Variants in GABRG3 observed in about 807,000 individuals in gnomAD.
GABRG3 encodes gamma-aminobutyric acid receptor subunit gamma-3.
Under a neutral mutation model 48.8 loss-of-function variants are expected in GABRG3, and 25 were observed. That is an observed-to-expected ratio of 0.51 (90% CI 0.37 to 0.72). The LOEUF (loss-of-function observed/expected upper bound fraction) is 0.72. Among genes scored for constraint, GABRG3 ranks in the 30% least tolerant of loss-of-function variants. The pLI, the probability that GABRG3 is intolerant of heterozygous loss-of-function variation, is 0.00. For synonymous variants in GABRG3, 227 were observed against 217.6 expected, an observed-to-expected ratio of 1.04 and a Z score of -0.38; for missense variants, 394 against 577.9, an observed-to-expected ratio of 0.68 and a Z score of 3.26.
chr15:27,214,114 C>T (rs1010852660), intron 3 of GABRG3, among the ~76,000 whole-genome samples: 2 of 152,112 alleles, frequency 1.3e-5, no homozygotes, highest in African/African-American at 4.8e-5. Flanking sequence ...CCTCACCTCT[C>T]GGAGCCAACT....
intron 3 of GABRG3, among the ~76,000 whole-genome samples, chr15:27,303,458 A>G (rs1277353712): frequency 1.3e-5 from 2 of 151,780 alleles, no homozygotes; most frequent in Admixed American, 1.3e-4. Context: ...TCATAGTTTA[A>G]AAAAATGTTT....
intron 3 of GABRG3, among the ~76,000 whole-genome samples, chr15:27,072,092 G>A (rs1310762325): frequency 6.6e-6 from 1 of 152,126 alleles, no homozygotes; most frequent in African/African-American, 2.4e-5. Flanking sequence ...AGAGCCTTTC[G>A]AAGTACCCCA....
intron 3 of GABRG3, among the ~76,000 whole-genome samples, chr15:27,316,958 C>G (rs1027660256): frequency 1.3e-5 from 2 of 152,180 alleles, no homozygotes; most frequent in African/African-American, 4.8e-5. Context: ...TCACGAAGTA[C>G]TGTCTATTGT....
chr15:27,504,891 G>T (rs1188779748), intron 6 of GABRG3, among the ~76,000 whole-genome samples: 1 of 152,014 alleles, frequency 6.6e-6, no homozygotes, highest in Non-Finnish European at 1.5e-5. Flanking sequence ...AATAATTTTT[G>T]ATTTACAAGA....
rs1480311616 is a variant in GABRG3, at chr15:27,541,009, AAG to A, written c.*8133_*8134del. The stretch of plus-strand genomic sequence containing the variant: ...TAAAAAGGAGCAAGGGAGAGGGAGA[AAG>A]AGAGGACAGAGGGAGAGAGAGAAAG... On this transcript the variant is annotated 3_prime_UTR_variant, in exon 10 of 10. Transcript: ENST00000615808. The A allele has an allele frequency of 1.3e-5, 2 of 152,270 alleles. No individual in the cohort carries two copies. Among genetic ancestry groups the A allele is most frequent in the Non-Finnish European group, 2.9e-5 (2 of 68,082 alleles). 9.4% of individuals were successfully genotyped at this position (152,270 alleles called of 1,614,324 possible). A position where few individuals can be genotyped will look rare whatever the true frequency, so the allele number is the denominator to read the frequency against.
At chr15:27,112,412 C>G (rs1386325141) in intron 3 of GABRG3, among the ~76,000 whole-genome samples, 1 of 151,606 alleles carries the variant, frequency 6.6e-6, no homozygotes. Context: ...CCCCTTAACC[C>G]CGTATCTTCA....
chr15:27,384,767 A>G (rs1446835650), intron 5 of GABRG3, among the ~76,000 whole-genome samples: 1 of 152,180 alleles, frequency 6.6e-6, no homozygotes, highest in Non-Finnish European at 1.5e-5. Context: ...TAAACTCATA[A>G]TATGTATCAA....
At chr15:27,215,616 C>T (rs1215097247) in intron 3 of GABRG3, among the ~76,000 whole-genome samples, 2 of 152,184 alleles carry the variant, frequency 1.3e-5, no homozygotes, top group East Asian at 1.9e-4. Context: ...TTCTTAGCTG[C>T]ACCCGTTATT....
intron 5 of GABRG3, among the ~76,000 whole-genome samples, chr15:27,353,951 C>T (rs949733972): frequency 1.3e-5 from 2 of 152,166 alleles, no homozygotes; most frequent in African/African-American, 4.8e-5. Flanking sequence ...TTTCTTTGCT[C>T]TCTCCTGCAC....
chr15:27,224,259 G>T (rs1283025613), intron 3 of GABRG3, among the ~76,000 whole-genome samples: 3 of 152,198 alleles, frequency 2.0e-5, no homozygotes, highest in East Asian at 1.9e-4. Flanking sequence ...CAAAGGAAAA[G>T]ATCATGTTTT....
chr15:27,440,769 C>T (rs887297632), intron 5 of GABRG3, among the ~76,000 whole-genome samples: 4 of 152,170 alleles, frequency 2.6e-5, no homozygotes, highest in African/African-American at 9.7e-5. Flanking sequence ...ATTAGAGTTA[C>T]TCCTTAAAGG....
At position 27,180,090 on chromosome 15, in the gene GABRG3, A is replaced by T. The variant is rs779462029; in HGVS notation, c.271-146719A>T. 2.0e-5 allele frequency among the ~76,000 whole-genome samples: 3 copies of T among 152,102 alleles called. No homozygotes were observed. The highest frequency in any genetic ancestry group is 2.9e-5 in the Non-Finnish European group (2 of 68,024). On this transcript the variant is annotated intron_variant, in intron 3 of 9. Coordinates refer to ENST00000615808, the MANE Select transcript of GABRG3 (RefSeq NM_033223.5). The surrounding 1 kb of genome is among the most constrained non-coding windows in gnomAD (Gnocchi z 4.2). ...TGTGAGTCTTGGCCTTCCCCAGGAG[A>T]CTGTGGGGCTCGTTGCACTTGTTTT...
intron 3 of GABRG3, among the ~76,000 whole-genome samples, chr15:27,177,983 C>T (rs1887799360): frequency 1.3e-5 from 2 of 152,034 alleles, no homozygotes; most frequent in Admixed American, 6.6e-5. Context: ...AGGACTCTTG[C>T]CGGAAGCAGA....
chr15:27,033,189 T>A (rs1896116147), intron 3 of GABRG3, among the ~76,000 whole-genome samples: 1 of 151,856 alleles, frequency 6.6e-6, no homozygotes, highest in Non-Finnish European at 1.5e-5. Flanking sequence ...TTCTTTATTC[T>A]CTCTGTCCAG....
chr15:27,389,956 G>T (rs1383736030), intron 5 of GABRG3, among the ~76,000 whole-genome samples: 1 of 152,186 alleles, frequency 6.6e-6, no homozygotes, highest in Non-Finnish European at 1.5e-5. Flanking sequence ...TGAGGACAAA[G>T]AATATATTCT....
chr15:27,074,723 G>A (rs1896883450), intron 3 of GABRG3, among the ~76,000 whole-genome samples: 1 of 151,326 alleles, frequency 6.6e-6, no homozygotes, highest in Admixed American at 6.6e-5. Flanking sequence ...AGATCCCTTA[G>A]TGTCTGACAC....
In GABRG3 at chr15:27,129,708, G is replaced by GTT. The variant is rs202202572; in HGVS notation, c.270+102890_270+102891dup. 3.2e-3 allele frequency among the ~76,000 whole-genome samples: 449 copies of GTT among 140,872 alleles called. 1 individual carries two copies. Among genetic ancestry groups the GTT allele is most frequent in the African/African-American group, 0.011 (436 of 40,176 alleles). 92.4% of individuals were successfully genotyped at this position (140,872 alleles called of 152,430 possible). On this transcript the variant is annotated intron_variant, in intron 3 of 9. Coordinates refer to ENST00000615808, the MANE Select transcript of GABRG3 (RefSeq NM_033223.5). ...TCCTCGCCAACACTTGTTAGTTTCT[G>GTT]TTTTGTTTTTTTTTTTTTCATAACA...
intron 5 of GABRG3, among the ~76,000 whole-genome samples, chr15:27,357,421 A>G (rs1894877909): frequency 6.6e-6 from 1 of 152,230 alleles, no homozygotes; most frequent in African/African-American, 2.4e-5. Flanking sequence ...ACATTATTGG[A>G]ACACCACCCA....
At chr15:27,515,249 C>T (rs1388291099) in intron 6 of GABRG3, among the ~76,000 whole-genome samples, 1 of 151,992 alleles carries the variant, frequency 6.6e-6, no homozygotes, top group Non-Finnish European at 1.5e-5. Context: ...TCCACCACCA[C>T]ACCCAACTAA....
Sources: allele counts gnomAD v4.1 joint callset (sites outside exome capture counted in the v4.1 genomes callset), GRCh38; gene constraint gnomAD v4.1.1; non-coding constraint Gnocchi (gnomAD v3.1); transcripts MANE v1.5; gene names NCBI Gene and HGNC (gene_info 2026-07-23, HGNC 2026-07-21).